The following NFAM1 variants were observed in gnomAD, a reference collection of about 807,000 sequenced individuals.
The protein encoded by NFAM1 is NFAT activating protein with ITAM motif 1.
Under a neutral mutation model 29.0 loss-of-function variants are expected in NFAM1, and 17 were observed. The ratio of observed to expected loss-of-function variants is 0.59; its 90% confidence interval spans 0.40 to 0.88. The LOEUF (loss-of-function observed/expected upper bound fraction) is 0.88, where lower values mean the gene tolerates loss of function less well. Among genes scored for constraint, NFAM1 ranks in the 40% least tolerant of loss-of-function variants. NFAM1 has a pLI of 0.00. For missense variants in NFAM1, 324 were observed against 344.6 expected, an observed-to-expected ratio of 0.94 and a Z score of 0.47; for synonymous variants, 175 against 147.2, an observed-to-expected ratio of 1.19 and a Z score of -1.36.
intron 4 of NFAM1, among the ~76,000 whole-genome samples, chr22:42,391,382 G>T (rs1279501583): frequency 6.6e-6 from 1 of 152,016 alleles, no homozygotes; most frequent in Non-Finnish European, 1.5e-5. Flanking sequence ...CATGGGGAGG[G>T]GAAAGGATAA....
chr22:42,407,799 C>T (rs928078418), intron 3 of NFAM1, among the ~76,000 whole-genome samples: 30 of 151,960 alleles, frequency 2.0e-4, no homozygotes, highest in Admixed American at 1.3e-4. Context: ...TCTCTGTTAC[C>T]CACGCTGATA....
At chr22:42,404,375 G>A (rs2147102605) in intron 3 of NFAM1, among the ~76,000 whole-genome samples, 1 of 152,164 alleles carries the variant, frequency 6.6e-6, no homozygotes, top group Middle Eastern at 3.4e-3. Context: ...TGTGCCTGGA[G>A]GGAGCCTCTT....
At chr22:42,427,981 C>T (rs1020822776) in intron 1 of NFAM1, among the ~76,000 whole-genome samples, 1 of 152,218 alleles carries the variant, frequency 6.6e-6, no homozygotes, top group African/African-American at 2.4e-5. Context: ...GAGAGTCACA[C>T]AGGACTTTGT....
At chr22:42,397,231 C>T (rs1929560920) in intron 4 of NFAM1, among the ~76,000 whole-genome samples, 1 of 152,182 alleles carries the variant, frequency 6.6e-6, no homozygotes, top group Non-Finnish European at 1.5e-5. Context: ...CTGGCCTCCT[C>T]GGCCCCTACG....
chr22:42,392,561 G>A (rs1929380668), intron 4 of NFAM1, among the ~76,000 whole-genome samples: 1 of 152,106 alleles, frequency 6.6e-6, no homozygotes, highest in South Asian at 2.1e-4. Context: ...GGAGCTGGAG[G>A]GGGATGCGGG....
At chr22:42,400,842 C>T (rs1457163098) in intron 3 of NFAM1, among the ~76,000 whole-genome samples, 5 of 152,224 alleles carry the variant, frequency 3.3e-5, no homozygotes, top group East Asian at 1.9e-4. Flanking sequence ...TCTGTCTCTT[C>T]GCTGAGCTGG....
At chr22:42,385,982 C>A (rs906898948) in intron 5 of NFAM1, among the ~76,000 whole-genome samples, 7 of 152,204 alleles carry the variant, frequency 4.6e-5, no homozygotes, top group African/African-American at 1.7e-4. Flanking sequence ...AGCTCTGGTG[C>A]AGATGTTATT....
At position 42,413,920 on chromosome 22, in the gene NFAM1, G is replaced by A. The variant is rs1193188289; in HGVS notation, c.122-2184C>T. Among the ~76,000 whole-genome samples the A allele has an allele frequency of 3.3e-5, 5 of 152,248 alleles. No homozygotes were observed. In the East Asian group the frequency reaches 9.7e-4, roughly 29 times the overall value. On this transcript the variant is annotated intron_variant, in intron 1 of 5. Coordinates refer to ENST00000329021, the MANE Select transcript of NFAM1 (RefSeq NM_145912.8). ...AATAAAAATATTAGCCAGGTGTGGT[G>A]GTGGGCACCTGTAATCCCAGCTACT...
At position 42,409,497 on chromosome 22, in the gene NFAM1, C is replaced by T; in HGVS notation, c.502G>A (p.Gly168Ser). 6.4e-7 allele frequency: 1 copy of T among 1,568,908 alleles called. No homozygotes were observed. The highest frequency in any genetic ancestry group is 8.6e-7 in the Non-Finnish European group (1 of 1,156,524). ...PQSPQKLLLFGFTGLLSVLSV... is the reference protein window; with the variant it reads ...PQSPQKLLLFSFTGLLSVLSV... ...AGGACACTCAGGAGGCCGGTGAAGC[C>T]AAAGAGCAGGAGCTTCTGTGGACTC... The change falls in exon 3 of 6, where the codon GGC becomes AGC. Residue 168 changes from glycine (G) to serine (S), a missense_variant. By Grantham distance (56) the Gly-to-Ser change is moderately conservative. Coordinates refer to ENST00000329021, the MANE Select transcript of NFAM1 (RefSeq NM_145912.8). This position sits in a 1 kb window ranked among gnomAD's most constrained non-coding sequence, Gnocchi z 4.9.
At chr22:42,425,569 T>C (rs1930596577) in intron 1 of NFAM1, among the ~76,000 whole-genome samples, 1 of 152,148 alleles carries the variant, frequency 6.6e-6, no homozygotes. Flanking sequence ...CCTCCCTGTC[T>C]GCCGCCTCCT....
At chr22:42,437,436 C>A in the NFAM1 span, among the ~76,000 whole-genome samples, 1 of 152,166 alleles carries the variant, frequency 6.6e-6, no homozygotes, top group Non-Finnish European at 1.5e-5. Flanking sequence ...ACCTACCATA[C>A]CCGGCCACAA....
chr22:42,399,446 CA>C (rs71311432), intron 3 of NFAM1, among the ~76,000 whole-genome samples: 79 of 66,912 alleles, frequency 1.2e-3, no homozygotes, highest in Middle Eastern at 5.9e-3. Flanking sequence ...GATCCCATCT[CA>C]AAAAAAAAAA....
chr22:42,436,837 G>C (rs1930951744), upstream of NFAM1: 1 of 239,374 alleles, frequency 4.2e-6, no homozygotes, highest in Non-Finnish European at 6.8e-6. Context: ...AAGGGCTCCA[G>C]CTCCCGGGAC....
chr22:42,395,800 A>C (rs1234645333), intron 4 of NFAM1, among the ~76,000 whole-genome samples: 1 of 149,262 alleles, frequency 6.7e-6, no homozygotes, highest in African/African-American at 2.5e-5. Context: ...AGAGAATGGC[A>C]TGAACCTGGG....
upstream of NFAM1, among the ~76,000 whole-genome samples, chr22:42,433,187 C>T (rs1011656249): frequency 4.6e-5 from 7 of 152,154 alleles, no homozygotes; most frequent in Non-Finnish European, 8.8e-5. Context: ...GAGCCCCTCA[C>T]CCTTGGCACC....
rs1929221835 is a variant in NFAM1 at position 42,388,344 on chromosome 22, ACAGT to A, written c.664-1270_664-1267del. 2.0e-5 allele frequency among the ~76,000 whole-genome samples: 3 copies of A among 152,200 alleles called. No homozygotes were observed. ...ATACTGTGCACAAAGGGCCACACAC[ACAGT>A]CAGGGAAGTAGTAGGTGCTTAATAA... On this transcript the variant is annotated intron_variant, in intron 4 of 5. Transcript: ENST00000329021. The surrounding 1 kb of genome is among the most constrained non-coding windows in gnomAD (Gnocchi z 4.1).
chr22:42,435,815 CTT>C (rs890914167), upstream of NFAM1, among the ~76,000 whole-genome samples: 105 of 94,216 alleles, frequency 1.1e-3, no homozygotes, highest in African/African-American at 4.9e-3. Context: ...TTTTCTTCTT[CTT>C]TTTTTTTTTT....
At position 42,411,727 on chromosome 22, in the gene NFAM1, G is replaced by A; in HGVS notation, c.131C>T (p.Ser44Leu). 1 of 1,612,844 alleles carries A rather than the reference G, an allele frequency of 6.2e-7. No homozygotes were observed. The highest frequency in any genetic ancestry group is 8.5e-7 in the Non-Finnish European group (1 of 1,178,904). Residue 44 changes from serine (S) to leucine (L), a missense_variant, in exon 2 of 6, where the codon TCA becomes TTA. By Grantham distance (145) the Ser-to-Leu change is moderately radical (BLOSUM62 -2). Coordinates refer to ENST00000329021, the MANE Select transcript of NFAM1 (RefSeq NM_145912.8). ...PGTLRLAGGQ[S>L]VTHTGLPIMA... ...GATGGGCAGGCCGGTGTGGGTCACT[G>A]ACTGTCCTCCTGGAGGGGAAGCAAA...
intron 4 of NFAM1, among the ~76,000 whole-genome samples, chr22:42,393,388 A>AATTAT (rs1555968968): frequency 2.6e-5 from 4 of 151,702 alleles, no homozygotes; most frequent in African/African-American, 9.7e-5. Flanking sequence ...CATGAAAAAA[A>AATTAT]TTATTTATTT....
Sources: gnomAD v4.1 joint callset for allele counts (sites outside exome capture counted in the v4.1 genomes callset) on GRCh38, gnomAD v4.1.1 for gene constraint, Gnocchi (gnomAD v3.1) non-coding constraint, MANE v1.5 for transcripts, NCBI Gene and HGNC (gene_info 2026-07-23, HGNC 2026-07-21) for gene names.